MUC15: variants seen among roughly 807,000 people sequenced by gnomAD.
The protein encoded by MUC15 is mucin-15.
In MUC15, 23 loss-of-function variants were observed where a neutral mutation model predicts 24.0. The ratio of observed to expected loss-of-function variants is 0.96; its 90% CI spans 0.69 to 1.36. The LOEUF (loss-of-function observed/expected upper bound fraction) is 1.36. MUC15 is among the 40% of genes most tolerant of loss of function. MUC15 has a pLI of 0.00. For missense variants in MUC15, 442 were observed against 428.2 expected, an observed-to-expected ratio of 1.03 and a Z score of -0.29; for synonymous variants, 151 against 156.3, an observed-to-expected ratio of 0.97 and a Z score of 0.25.
At chr11:26,564,201 G>A (rs1394426693) in intron 3 of MUC15, among the ~76,000 whole-genome samples, 2 of 151,492 alleles carry the variant, frequency 1.3e-5, no homozygotes, top group Non-Finnish European at 3.0e-5. Context: ...ACAAAAGAGA[G>A]GAAGCATTTT....
At chr11:26,571,488 T>C (rs1015587957) in intron 1 of MUC15, among the ~76,000 whole-genome samples, 23 of 152,152 alleles carry the variant, frequency 1.5e-4, no homozygotes, top group African/African-American at 5.3e-4. Flanking sequence ...TTATATGTAC[T>C]GTACAACAGT....
chr11:26,565,665 G>T lies in MUC15; in HGVS notation c.275C>A (p.Ser92Ter). ...LNSDKENITT[S>*]NLKASHSPPL... ...AGGGGAATGACTCGCCTTGAGATTTGAGGTGGTTATATTTTCTTTATCTGA... is the reference window on the plus strand; with the variant it reads ...AGGGGAATGACTCGCCTTGAGATTTTAGGTGGTTATATTTTCTTTATCTGA... The change falls in exon 3 of 5, where the codon TCA becomes TAA. Residue 92 changes from serine (S) to a stop codon, truncating the protein, a stop_gained. Transcript: ENST00000529533. LOFTEE classifies it high-confidence loss of function. 1 of 1,606,978 alleles carries T rather than the reference G, an allele frequency of 6.2e-7. No homozygotes were observed. The highest frequency in any genetic ancestry group is 1.1e-5 in the South Asian group (1 of 90,976).
At chr11:26,563,674 TA>T (rs1850395193) in intron 3 of MUC15, among the ~76,000 whole-genome samples, 2 of 151,800 alleles carry the variant, frequency 1.3e-5, no homozygotes. Flanking sequence ...ATTCAAAGGT[TA>T]AAAGCCAATA....
chr11:26,561,192 T>C lies in MUC15; in HGVS notation c.959A>G (p.Asp320Gly). 1 of 1,612,120 alleles carries C rather than the reference T, an allele frequency of 6.2e-7. No individual in the cohort carries two copies. Among genetic ancestry groups the C allele is most frequent in the South Asian group, 1.1e-5 (1 of 90,836 alleles). Residue 320 changes from aspartate (D) to glycine (G), a missense_variant, in exon 5 of 5, where the codon GAT becomes GGT. Coordinates refer to ENST00000529533, the MANE Select transcript of MUC15 (RefSeq NM_001135091.2). ...GTAGCTAGAATTCCCAAAACTCACATCATAAGGTTCCGGTGCATTGTCTAA... is the reference window on the plus strand; with the variant it reads ...GTAGCTAGAATTCCCAAAACTCACACCATAAGGTTCCGGTGCATTGTCTAA... ...LRLDNAPEPYDVSFGNSSYYN... is the reference protein window; with the variant it reads ...LRLDNAPEPYGVSFGNSSYYN...
chr11:26,561,213 T>C lies in MUC15; in HGVS notation c.938A>G (p.Asp313Gly), dbSNP rs1261097757. The C allele has an allele frequency of 2.5e-6, 4 of 1,604,420 alleles. No individual in the cohort carries two copies. Among genetic ancestry groups the C allele is most frequent in the Non-Finnish European group, 1.7e-6 (2 of 1,175,680 alleles). Residue 313 changes from aspartate (D) to glycine (G), a missense_variant, in exon 5 of 5, where the codon GAC (aspartate) becomes GGC (glycine). Coordinates refer to ENST00000529533, the MANE Select transcript of MUC15 (RefSeq NM_001135091.2). ...DDRNEPVLRL[D>G]NAPEPYDVSF... ...CACATCATAAGGTTCCGGTGCATTG[T>C]CTAATCGCAGAACTAAAAAAGTAAC...
intron 3 of MUC15, among the ~76,000 whole-genome samples, chr11:26,564,734 T>C (rs11029618): frequency 0.012 from 213 of 17,190 alleles, no homozygotes; most frequent in Middle Eastern, 0.083. Flanking sequence ...CACACACACA[T>C]ATATATATAT....
intron 3 of MUC15, among the ~76,000 whole-genome samples, chr11:26,564,666 AACTCATATATATAT>A (rs1850445775): frequency 7.4e-6 from 1 of 135,926 alleles, no homozygotes; most frequent in Non-Finnish European, 1.6e-5. Context: ...ACTTTTTAAA[AACTCATATATATAT>A]ACTCATATAT....
chr11:26,565,766 T>G lies in MUC15; in HGVS notation c.174A>C (p.Thr58=), dbSNP rs756656208. 4.3e-6 allele frequency: 7 copies of G among 1,613,380 alleles called. No individual in the cohort carries two copies. The South Asian group carries it at 6.6e-5, about 15-fold the overall frequency. The change falls in exon 3 of 5, where the codon ACA becomes ACC. Residue 58 remains threonine, a synonymous_variant. Coordinates refer to ENST00000529533, the MANE Select transcript of MUC15 (RefSeq NM_001135091.2). The stretch of plus-strand genomic sequence containing the variant: ...TAAAAACTTCTGCAATGTTCTGTGT[T>G]GTGTTTATGTCTTGATTTTCTTTTC... ...SHGKENQDIN[T]TQNIAEVFKT...
intron 3 of MUC15, among the ~76,000 whole-genome samples, chr11:26,564,752 T>TCTG (rs1850487566): frequency 1.3e-5 from 1 of 78,486 alleles, no homozygotes. Context: ...TATATATATA[T>TCTG]ATATATATAT....
At position 26,560,394 on chromosome 11, in the gene MUC15, A is replaced by G. The variant is rs1850240407; in HGVS notation, c.*671T>C. On this transcript the variant is annotated 3_prime_UTR_variant, in exon 5 of 5. Transcript: ENST00000529533. ...GTTAAAATTCCCAAAACCTTTGAAG[A>G]CTTTTAAAGAAGCTATTACTTTCCT... 6.6e-6 allele frequency: 1 copy of G among 152,160 alleles called. No individual in the cohort carries two copies. Among genetic ancestry groups the G allele is most frequent in the African/African-American group, 2.4e-5 (1 of 41,444 alleles). 9.4% of individuals were successfully genotyped at this position (152,160 alleles called of 1,614,324 possible). A position where few individuals can be genotyped will look rare whatever the true frequency, so the allele number is the denominator to read the frequency against.
At chr11:26,563,039 G>A in intron 4 of MUC15, 77 bp downstream of exon 4, 1 of 1,544,726 alleles carries the variant, frequency 6.5e-7, no homozygotes. Context: ...TTACCTTCTA[G>A]GCAATGCAGT....
rs1428685413 is a variant in MUC15 at position 26,559,628 on chromosome 11, G to GA, written c.*1436dup. On this transcript the variant is annotated 3_prime_UTR_variant, in exon 5 of 5. Coordinates refer to ENST00000529533, the MANE Select transcript of MUC15 (RefSeq NM_001135091.2). ...TATAAAATAATATGATTCTATTTGA[G>GA]AAAAAATCATAGTACCTGAGTGCAA... 45 of 872,286 alleles carry GA rather than the reference G, an allele frequency of 5.2e-5. No individual in the cohort carries two copies. The highest frequency in any genetic ancestry group is 1.1e-4 in the South Asian group (8 of 72,626). 54.0% of individuals were successfully genotyped at this position (872,286 alleles called of 1,614,324 possible). A position where few individuals can be genotyped will look rare whatever the true frequency, so the allele number is the denominator to read the frequency against.
At chr11:26,571,723 G>C (rs1317570324) in intron 1 of MUC15, among the ~76,000 whole-genome samples, 1 of 152,056 alleles carries the variant, frequency 6.6e-6, no homozygotes, top group Non-Finnish European at 1.5e-5. Context: ...ACTAAGATCT[G>C]ACTTAAGAAA....
At chr11:26,569,801 G>T (rs1008327652) in intron 1 of MUC15, among the ~76,000 whole-genome samples, 1 of 152,024 alleles carries the variant, frequency 6.6e-6, no homozygotes, top group African/African-American at 2.4e-5. Context: ...ATTATGGATG[G>T]TATCCCTGAG....
In MUC15 at chr11:26,565,615, G is replaced by A. The variant is rs2134268690; in HGVS notation, c.325C>T (p.His109Tyr). Residue 109 changes from histidine (H) to tyrosine (Y), a missense_variant, in exon 3 of 5, where the codon CAC becomes TAC. His to Tyr is a moderately conservative substitution (Grantham distance 83). Transcript: ENST00000529533. ...TTACTGGAGAAATCTGTTATTCCGT[G>A]GCTGTTGTTGGGTAGATTCAAAGGA... The part of the protein sequence containing the change: ...SPPLNLPNNS[H>Y]GITDFSSNSS... 1 of 1,612,864 alleles carries A rather than the reference G, an allele frequency of 6.2e-7. No homozygotes were observed. Among genetic ancestry groups the A allele is most frequent in the East Asian group, 2.2e-5 (1 of 44,842 alleles).
intron 4 of MUC15, among the ~76,000 whole-genome samples, chr11:26,561,535 T>A (rs1850292941): frequency 6.6e-6 from 1 of 151,960 alleles, no homozygotes; most frequent in South Asian, 2.1e-4. Flanking sequence ...CTCATTGACT[T>A]TTGAATCTTG....
In MUC15 at chr11:26,565,855, A is replaced by G; in HGVS notation, c.85T>C (p.Leu29=). The change falls in exon 3 of 5, where the codon TTG becomes CTG. Residue 29 remains leucine, a synonymous_variant. Coordinates refer to ENST00000529533, the MANE Select transcript of MUC15 (RefSeq NM_001135091.2). Reference sequence around the variant, plus strand: ...ATCAACAGAATTTTGGCTAAGGCCAACATTGTAGGCTTCTTTGGTATTGGT... The same window carrying G: ...ATCAACAGAATTTTGGCTAAGGCCAGCATTGTAGGCTTCTTTGGTATTGGT... ...KKPIPKKPTM[L]ALAKILLIST... 6.2e-7 allele frequency: 1 copy of G among 1,609,630 alleles called. No individual in the cohort carries two copies. The highest frequency in any genetic ancestry group is 8.5e-7 in the Non-Finnish European group (1 of 1,178,548).
In MUC15 at chr11:26,567,111, C is replaced by T. The variant is rs1404294800; in HGVS notation, c.-17G>A. On this transcript the variant is annotated 5_prime_UTR_variant, in exon 2 of 5. Transcript: ENST00000529533. Reference sequence around the variant, plus strand: ...TATGCCCATTTTGCAGATGAAGAAACTGAAGCTCACAATGGCTAGTAACAG... The same window carrying T: ...TATGCCCATTTTGCAGATGAAGAAATTGAAGCTCACAATGGCTAGTAACAG... The T allele has an allele frequency of 6.9e-7, 1 of 1,457,074 alleles. No individual in the cohort carries two copies. The highest frequency in any genetic ancestry group is 9.1e-7 in the Non-Finnish European group (1 of 1,097,934). The allele number at this position is 1,457,074 out of a possible 1,614,324, so 90.3% of individuals were successfully genotyped here.
Position 26,559,831 on chromosome 11 carries a change from G to T in MUC15, c.*1234C>A. Reference sequence around the variant, plus strand: ...TCCCTTATTTTCTGAAGCTGTTTCTGTGTTACACACACACACACACACACA... The same window carrying T: ...TCCCTTATTTTCTGAAGCTGTTTCTTTGTTACACACACACACACACACACA... On this transcript the variant is annotated 3_prime_UTR_variant, in exon 5 of 5. Transcript: ENST00000529533. 9.7e-7 allele frequency: 1 copy of T among 1,034,602 alleles called. No homozygotes were observed. The highest frequency in any genetic ancestry group is 1.5e-6 in the Non-Finnish European group (1 of 674,604). The allele number at this position is 1,034,602 out of a possible 1,614,324, so 64.1% of individuals were successfully genotyped here. A position where few individuals can be genotyped will look rare whatever the true frequency, so the allele number is the denominator to read the frequency against.
Sources: allele counts gnomAD v4.1 joint callset (sites outside exome capture counted in the v4.1 genomes callset), GRCh38; gene constraint gnomAD v4.1.1; transcripts MANE v1.5; gene names NCBI Gene and HGNC (gene_info 2026-07-23, HGNC 2026-07-21).